The following GRAMD1B variants were observed in gnomAD, a reference collection of about 807,000 sequenced individuals.
GRAMD1B encodes the protein GRAM domain containing 1B, also known as protein Aster-B.
Under a neutral mutation model 99.7 loss-of-function variants are expected in GRAMD1B, and 37 were observed. That is an observed-to-expected ratio of 0.37 (90% CI 0.29 to 0.49). The LOEUF is 0.49. Among genes scored for constraint, GRAMD1B ranks in the 20% least tolerant of loss-of-function variants. GRAMD1B has a pLI of 0.98. For missense variants in GRAMD1B, 888 were observed against 1,009.2 expected, an observed-to-expected ratio of 0.88 and a Z score of 1.63; for synonymous variants, 427 against 387.6, an observed-to-expected ratio of 1.10 and a Z score of -1.19.
intron 4 of GRAMD1B, among the ~76,000 whole-genome samples, chr11:123,588,955 T>G (rs1315344246): frequency 6.6e-6 from 1 of 152,120 alleles, no homozygotes; most frequent in African/African-American, 2.4e-5. Flanking sequence ...AAACACCAAA[T>G]TTATTTCCTA....
chr11:123,396,170 A>AT (rs1204574126), intron 1 of GRAMD1B, among the ~76,000 whole-genome samples: 1 of 133,348 alleles, frequency 7.5e-6, no homozygotes, highest in East Asian at 2.1e-4. Flanking sequence ...CCCCATATGC[A>AT]TTTTTTTCTT....
At chr11:123,437,163 A>G (rs1949199753) in intron 1 of GRAMD1B, among the ~76,000 whole-genome samples, 1 of 152,008 alleles carries the variant, frequency 6.6e-6, no homozygotes, top group Admixed American at 6.6e-5. Flanking sequence ...AGATGGCACA[A>G]TTTTTTTGCT....
At chr11:123,359,664 G>A (rs1452641763) in intron 1 of GRAMD1B, among the ~76,000 whole-genome samples, 2 of 152,052 alleles carry the variant, frequency 1.3e-5, no homozygotes, top group Non-Finnish European at 2.9e-5. Context: ...CTCCACCCAA[G>A]GCCCAGTATT....
intron 1 of GRAMD1B, chr11:123,454,273 C>T (rs1000686796): frequency 5.9e-5 from 9 of 152,326 alleles, no homozygotes; most frequent in African/African-American, 2.2e-4. Flanking sequence ...CTGGTTACTT[C>T]CTTTGTCCCT....
At chr11:123,528,084 TG>T (rs1231281534) in intron 2 of GRAMD1B, among the ~76,000 whole-genome samples, 1 of 152,204 alleles carries the variant, frequency 6.6e-6, no homozygotes, top group African/African-American at 2.4e-5. Context: ...AGGTCCATTT[TG>T]GTCCAGGGGC....
intron 2 of GRAMD1B, among the ~76,000 whole-genome samples, chr11:123,520,744 A>G (rs999360903): frequency 1.4e-5 from 2 of 146,558 alleles, no homozygotes; most frequent in Non-Finnish European, 3.0e-5. Context: ...ATGCTACTGC[A>G]CTCCAGCCTG....
At chr11:123,480,562 C>A (rs1565286480) in intron 1 of GRAMD1B, among the ~76,000 whole-genome samples, 1 of 152,122 alleles carries the variant, frequency 6.6e-6, no homozygotes, top group Non-Finnish European at 1.5e-5. Flanking sequence ...AGTGTGGTAG[C>A]AGGGCGAGAT....
At chr11:123,603,329 T>C in intron 8 of GRAMD1B, 97 bp from the exon 9 acceptor site, 1 of 736,260 alleles carries the variant, frequency 1.4e-6, no homozygotes, top group Non-Finnish European at 2.4e-6. Flanking sequence ...GAGGAGTTTC[T>C]CCTCTTCTCC....
At chr11:123,388,022 A>C (rs1006377042) in intron 1 of GRAMD1B, among the ~76,000 whole-genome samples, 4 of 149,794 alleles carry the variant, frequency 2.7e-5, no homozygotes, top group Non-Finnish European at 5.9e-5. Flanking sequence ...GCTACTTGGG[A>C]GGCTGAGGCA....
At chr11:123,494,821 G>A (rs1477767254) in intron 2 of GRAMD1B, among the ~76,000 whole-genome samples, 1 of 152,108 alleles carries the variant, frequency 6.6e-6, no homozygotes, top group Non-Finnish European at 1.5e-5. Flanking sequence ...ATGTGAGTGG[G>A]TGGCAACTCG....
chr11:123,437,414 G>C (rs1278220433), intron 1 of GRAMD1B, among the ~76,000 whole-genome samples: 10 of 152,166 alleles, frequency 6.6e-5, no homozygotes, highest in Non-Finnish European at 1.5e-4. Flanking sequence ...GAGGGGGAAG[G>C]GAAAGCTGAC....
chr11:123,561,776 C>CT lies in GRAMD1B; in HGVS notation c.453-15588dup, dbSNP rs1946794775. 2.0e-5 allele frequency among the ~76,000 whole-genome samples: 3 copies of CT among 152,338 alleles called. No homozygotes were observed. In the South Asian group the frequency reaches 6.2e-4, roughly 32 times the overall value. Reference sequence around the variant, plus strand: ...CTTGAATGGTGGTCATATTTCTAGCCTTTGCCTTGGATAGCACTCGGCAGG... The same window carrying CT: ...CTTGAATGGTGGTCATATTTCTAGCCTTTTGCCTTGGATAGCACTCGGCAGG... On this transcript the variant is annotated intron_variant, in intron 2 of 19. Coordinates refer to ENST00000635736, the MANE Select transcript of GRAMD1B (RefSeq NM_001387025.1).
At chr11:123,560,142 CAA>C (rs3062445) in intron 2 of GRAMD1B, 52,703 of 948,774 alleles carry the variant, frequency 0.056, 1,660 homozygotes, top group Middle Eastern at 0.065. Context: ...CTGACTGCAC[CAA>C]AGAGTTGCAT....
Position 123,606,430 on chromosome 11 carries a change from G to T in GRAMD1B, c.1324-179G>T, listed in dbSNP as rs143245372. ...TGAGAAGTGCAGTAGTCCTTGTACT[G>T]TGTTTGCCCATCCTCTGTGGCAGCT... On this transcript the variant is annotated intron_variant, in intron 10 of 19. Coordinates refer to ENST00000635736, the MANE Select transcript of GRAMD1B (RefSeq NM_001387025.1). 3.0e-3 allele frequency among the ~76,000 whole-genome samples: 455 copies of T among 152,340 alleles called. 3 individuals carry two copies. Among genetic ancestry groups the T allele is most frequent in the Admixed American group, 0.012 (180 of 15,306 alleles).
chr11:123,360,357 T>C (rs1452441328), intron 1 of GRAMD1B, among the ~76,000 whole-genome samples: 1 of 152,210 alleles, frequency 6.6e-6, no homozygotes, highest in Non-Finnish European at 1.5e-5. Context: ...CCTTTGATGG[T>C]GTACAGCGAG....
At chr11:123,394,674 C>A (rs1044133281) in intron 1 of GRAMD1B, among the ~76,000 whole-genome samples, 4 of 152,204 alleles carry the variant, frequency 2.6e-5, no homozygotes, top group Non-Finnish European at 5.9e-5. Context: ...ATGTACCTGT[C>A]TTGTTCCCTG....
chr11:123,491,905 C>A, intron 2 of GRAMD1B: 1 of 399,268 alleles, frequency 2.5e-6, no homozygotes. Flanking sequence ...GTAAAGCAGG[C>A]TTGTCACTAC....
chr11:123,451,342 C>T (rs891091329), intron 1 of GRAMD1B, among the ~76,000 whole-genome samples: 1 of 152,148 alleles, frequency 6.6e-6, no homozygotes, highest in Non-Finnish European at 1.5e-5. Context: ...AGTAGACCCA[C>T]CTGGCACTTA....
chr11:123,457,141 T>TAGAAAGAAAGAAAGAAAGAAAGAAAGAA (rs1383562713), intron 1 of GRAMD1B, among the ~76,000 whole-genome samples: 10 of 68,918 alleles, frequency 1.5e-4, no homozygotes, highest in African/African-American at 3.7e-4. Context: ...AAGAAAGAAT[T>TAGAAAGAAAGAAAGAAAGAAAGAAAGAA]AGAACAGTTT....
Sources: allele counts gnomAD v4.1 joint callset (sites outside exome capture counted in the v4.1 genomes callset), GRCh38; gene constraint gnomAD v4.1.1; transcripts MANE v1.5; gene names NCBI Gene and HGNC (gene_info 2026-07-23, HGNC 2026-07-21).